The following ITGA2 variants were observed in gnomAD, a reference collection of about 807,000 sequenced individuals.
The protein encoded by ITGA2 is integrin subunit alpha 2.
Under a neutral mutation model 146.3 loss-of-function variants are expected in ITGA2, and 101 were observed. The ratio of observed to expected loss-of-function variants is 0.69; its 90% CI spans 0.59 to 0.81. The LOEUF (loss-of-function observed/expected upper bound fraction) is 0.81, where lower values mean the gene tolerates loss of function less well. ITGA2 is among the 40% of genes least tolerant of loss of function. The pLI is 0.00. For missense variants in ITGA2, 1,281 were observed against 1,402.7 expected (o/e 0.91, Z 1.39); for synonymous variants, 477 against 487.1 (o/e 0.98, Z 0.27).
intron 16 of ITGA2, among the ~76,000 whole-genome samples, chr5:53,069,150 A>G (rs2111986881): frequency 6.6e-6 from 1 of 151,984 alleles, no homozygotes; most frequent in East Asian, 1.9e-4. Flanking sequence ...AGATAGAATA[A>G]CCCCAAATAA....
intron 9 of ITGA2, 47 bp downstream of exon 9, chr5:53,056,196 A>G: frequency 6.5e-7 from 1 of 1,533,550 alleles, no homozygotes; most frequent in East Asian, 2.3e-5. Flanking sequence ...AAATGTTTAA[A>G]TAATTGTTTA....
intron 4 of ITGA2, among the ~76,000 whole-genome samples, chr5:53,046,542 A>T (rs1474550044): frequency 6.6e-6 from 1 of 151,944 alleles, no homozygotes; most frequent in African/African-American, 2.4e-5. Context: ...GCAAAAATTT[A>T]AAAAAAGAAC....
At chr5:52,993,471 A>T (rs1340857804) in intron 1 of ITGA2, among the ~76,000 whole-genome samples, 1 of 152,146 alleles carries the variant, frequency 6.6e-6, no homozygotes, top group African/African-American at 2.4e-5. Context: ...CTAAGATTAA[A>T]ATTCCAGTGT....
chr5:53,012,332 C>T (rs997861466), intron 1 of ITGA2, among the ~76,000 whole-genome samples: 2 of 152,084 alleles, frequency 1.3e-5, no homozygotes, highest in Admixed American at 1.3e-4. Flanking sequence ...CAGATAGCAA[C>T]ATTATATCCA....
In ITGA2 at chr5:52,989,544, T is replaced by G; in HGVS notation, c.64+12T>G. 1 of 1,613,410 alleles carries G rather than the reference T, an allele frequency of 6.2e-7. No homozygotes were observed. The highest frequency in any genetic ancestry group is 1.1e-5 in the South Asian group (1 of 91,054). ...AGCGCTCAGTCAAGGTAAGCGGGGA[T>G]TTCGCTCTGCATCGGCTGCAGGAGG... is the stretch of plus-strand genomic sequence containing the variant. On this transcript the variant is annotated intron_variant, in intron 1 of 29. Coordinates refer to ENST00000296585, the MANE Select transcript of ITGA2 (RefSeq NM_002203.4).
chr5:53,072,616 C>G lies in ITGA2; in HGVS notation c.2350C>G (p.Pro784Ala). The part of the protein sequence containing the change: ...YSETAKVFSI[P>A]FHKDCGEDGL... ...GATCTTTTTTCCTTTTTCGTAGATT[C>G]CTTTCCACAAAGACTGTGGTGAGGA... The change falls in exon 19 of 30, where the codon CCT (proline) becomes GCT (alanine). Residue 784 changes from proline to alanine, a missense_variant. By Grantham distance (27) the Pro-to-Ala change is conservative. Transcript: ENST00000296585. 1 of 1,609,440 alleles carries G rather than the reference C, an allele frequency of 6.2e-7. No individual in the cohort carries two copies. The highest frequency in any genetic ancestry group is 1.1e-5 in the South Asian group (1 of 90,690).
At chr5:53,029,767 C>T (rs1399779498) in intron 2 of ITGA2, among the ~76,000 whole-genome samples, 1 of 152,184 alleles carries the variant, frequency 6.6e-6, no homozygotes, top group Admixed American at 6.5e-5. Context: ...ATATCTGGCA[C>T]TGAGTAAAGG....
At chr5:53,085,289 G>GA (rs1357063724) in intron 27 of ITGA2, among the ~76,000 whole-genome samples, 78 of 152,312 alleles carry the variant, frequency 5.1e-4, no homozygotes, top group Admixed American at 4.4e-3. Flanking sequence ...TGATTGATCA[G>GA]GGCTCCAAAT....
intron 3 of ITGA2, 71 bp downstream of exon 3, chr5:53,042,292 C>G: frequency 8.1e-6 from 8 of 986,312 alleles, no homozygotes; most frequent in East Asian, 2.4e-5. Context: ...TCAGAACAAT[C>G]ATTGTTCTGT....
intron 7 of ITGA2, among the ~76,000 whole-genome samples, chr5:53,053,759 GTC>G (rs923445770): frequency 2.6e-5 from 4 of 151,782 alleles, no homozygotes; most frequent in African/African-American, 7.3e-5. Flanking sequence ...GTAATTGCCT[GTC>G]TCTCTCTCTC....
chr5:53,082,718 G>T (rs565496751), intron 26 of ITGA2, among the ~76,000 whole-genome samples: 1 of 152,218 alleles, frequency 6.6e-6, no homozygotes, highest in South Asian at 2.1e-4. Context: ...TTCACTCTTG[G>T]TGTTGTTAAA....
chr5:53,016,658 C>T (rs190108790), intron 1 of ITGA2, among the ~76,000 whole-genome samples: 13 of 152,272 alleles, frequency 8.5e-5, no homozygotes, highest in Admixed American at 4.6e-4. Context: ...GAAATTTTCA[C>T]GGATGATATC....
intron 1 of ITGA2, among the ~76,000 whole-genome samples, chr5:53,024,234 A>G (rs1742825861): frequency 6.6e-6 from 1 of 152,240 alleles, no homozygotes; most frequent in South Asian, 2.1e-4. Context: ...AGTCAGGATG[A>G]TTCTGACATA....
intron 3 of ITGA2, among the ~76,000 whole-genome samples, chr5:53,042,471 C>T (rs1227215499): frequency 1.3e-5 from 2 of 152,116 alleles, no homozygotes; most frequent in Non-Finnish European, 2.9e-5. Flanking sequence ...TTTCCATCAA[C>T]ATTTAGAATA....
intron 23 of ITGA2, among the ~76,000 whole-genome samples, chr5:53,075,677 A>G (rs537874121): frequency 1.1e-3 from 169 of 152,084 alleles, no homozygotes; most frequent in Admixed American, 2.9e-3. Flanking sequence ...TTCCCATTGT[A>G]TGTGAGATCT....
At chr5:53,044,973 C>A in intron 3 of ITGA2, 28 bp from the exon 4 acceptor site, 1 of 1,532,356 alleles carries the variant, frequency 6.5e-7, no homozygotes, top group Non-Finnish European at 9.0e-7. Flanking sequence ...TTTTTAATCA[C>A]TTTTAAAAAT....
intron 1 of ITGA2, 116 bp downstream of exon 1, chr5:52,989,648 C>CA: frequency 1.7e-6 from 2 of 1,153,456 alleles, no homozygotes; most frequent in Non-Finnish European, 2.6e-6. Context: ...CCTCGGATTC[C>CA]ACGTGGACTC....
intron 2 of ITGA2, among the ~76,000 whole-genome samples, chr5:53,032,011 A>G (rs1428222935): frequency 1.3e-5 from 2 of 152,176 alleles, no homozygotes; most frequent in African/African-American, 4.8e-5. Context: ...TGACTCAAAA[A>G]CCAGAGAGAA....
intron 1 of ITGA2, among the ~76,000 whole-genome samples, chr5:52,994,284 C>T (rs1293838354): frequency 2.6e-5 from 4 of 152,206 alleles, no homozygotes; most frequent in Non-Finnish European, 5.9e-5. Context: ...GAAATTGTCT[C>T]AGCCCTGAAG....
Sources: allele counts gnomAD v4.1 joint callset (sites outside exome capture counted in the v4.1 genomes callset), GRCh38; gene constraint gnomAD v4.1.1; transcripts MANE v1.5; gene names NCBI Gene and HGNC (gene_info 2026-07-23, HGNC 2026-07-21).